The following PCLO variants were observed in gnomAD, a reference collection of about 807,000 sequenced individuals.
PCLO encodes protein piccolo.
PCLO carries 82 observed loss-of-function variants against 427.5 expected under a neutral mutation model. The ratio of observed to expected loss-of-function variants is 0.19; its 90% CI spans 0.16 to 0.23. The LOEUF (loss-of-function observed/expected upper bound fraction) is 0.23. PCLO is among the 10% of genes least tolerant of loss of function. The probability of loss-of-function intolerance (pLI) is 1.00; values close to 1 mark genes in which losing one functional copy is unlikely to be tolerated. For missense variants in PCLO, 6,239 were observed against 6,115.9 expected, an observed-to-expected ratio of 1.02 and a Z score of -0.67; for synonymous variants, 2,357 against 2,155.4, an observed-to-expected ratio of 1.09 and a Z score of -2.59.
chr7:82,832,406 C>T (rs1792117680), intron 16 of PCLO, among the ~76,000 whole-genome samples: 1 of 151,210 alleles, frequency 6.6e-6, no homozygotes, highest in African/African-American at 2.5e-5. Context: ...CACCCACCAC[C>T]ATGCCCGGCT....
At chr7:82,999,908 CAAAGA>C (rs1366851445) in intron 3 of PCLO, among the ~76,000 whole-genome samples, 6 of 124,804 alleles carry the variant, frequency 4.8e-5, no homozygotes, top group Non-Finnish European at 9.9e-5. Context: ...AATGGAAATA[CAAAGA>C]AAAGAAGAGA....
intron 3 of PCLO, among the ~76,000 whole-genome samples, chr7:82,973,197 T>C (rs1240819075): frequency 6.6e-6 from 1 of 152,068 alleles, no homozygotes; most frequent in Non-Finnish European, 1.5e-5. Flanking sequence ...TGCATAATGA[T>C]GAATTTGAGA....
At chr7:82,913,507 C>T (rs79631110) in intron 7 of PCLO, among the ~76,000 whole-genome samples, 1,533 of 151,788 alleles carry the variant, frequency 0.01, 27 homozygotes, top group African/African-American at 0.036. Context: ...TATTTTATTT[C>T]CAGAACTCCA....
At chr7:82,872,874 A>G (rs1450733560) in intron 10 of PCLO, among the ~76,000 whole-genome samples, 1 of 152,184 alleles carries the variant, frequency 6.6e-6, no homozygotes, top group Non-Finnish European at 1.5e-5. Flanking sequence ...TAAAAGTGGC[A>G]CAAAGACATG....
intron 22 of PCLO, among the ~76,000 whole-genome samples, chr7:82,762,546 C>T (rs534505110): frequency 2.0e-5 from 3 of 151,742 alleles, no homozygotes; most frequent in African/African-American, 7.3e-5. Flanking sequence ...CTTCAAAGAA[C>T]CTTTGTTTAT....
At chr7:83,024,258 C>T (rs762778500) in intron 3 of PCLO, among the ~76,000 whole-genome samples, 1 of 152,128 alleles carries the variant, frequency 6.6e-6, no homozygotes, top group Non-Finnish European at 1.5e-5. Context: ...GCACCATGCG[C>T]GAGCCGAAGC....
intron 3 of PCLO, among the ~76,000 whole-genome samples, chr7:83,088,662 G>A (rs1050538059): frequency 2.6e-5 from 4 of 152,068 alleles, no homozygotes; most frequent in African/African-American, 9.7e-5. Flanking sequence ...ACCTCCTTGT[G>A]GTTCCTCCCT....
chr7:82,968,565 G>C (rs1333621675), intron 3 of PCLO, among the ~76,000 whole-genome samples: 1 of 142,286 alleles, frequency 7.0e-6, no homozygotes, highest in African/African-American at 2.7e-5. Flanking sequence ...TTGTCACCAG[G>C]CTGGAGTGCA....
intron 3 of PCLO, among the ~76,000 whole-genome samples, chr7:83,038,227 A>G (rs1005106091): frequency 1.3e-5 from 2 of 148,674 alleles, no homozygotes; most frequent in Admixed American, 1.4e-4. Flanking sequence ...ATATACACAC[A>G]TACCATAAAT....
chr7:82,950,440 T>C lies in PCLO; in HGVS notation c.10148A>G (p.Gln3383Arg). The change falls in exon 6 of 25, where the codon CAG (glutamine) becomes CGG (arginine). Residue 3383 changes from glutamine (Q) to arginine (R), a missense_variant. Gln to Arg is a conservative substitution (Grantham distance 43). This residue lies in a region of PCLO where 4,677 missense variants were observed against 4,468.4 expected (regional missense o/e 1.05). Transcript: ENST00000333891. Reference sequence around the variant, plus strand: ...CAGGATACCAGGTGGGGCAATGTACTGAGTAACACCATCAGACTGAACGGT... The same window carrying C: ...CAGGATACCAGGTGGGGCAATGTACCGAGTAACACCATCAGACTGAACGGT... Reference protein sequence around the residue: ...WYTVQSDGVTQYIAPPGILST... With the variant: ...WYTVQSDGVTRYIAPPGILST... 8.1e-6 allele frequency: 13 copies of C among 1,613,802 alleles called. No homozygotes were observed. Among genetic ancestry groups the C allele is most frequent in the Non-Finnish European group, 1.1e-5 (13 of 1,179,832 alleles).
chr7:83,120,391 ACTCTGCCTC>A (rs1791244808), intron 3 of PCLO, among the ~76,000 whole-genome samples: 2 of 127,874 alleles, frequency 1.6e-5, no homozygotes, highest in African/African-American at 6.6e-5. Context: ...TTGGAGTGAG[ACTCTGCCTC>A]AGAAAAAAAA....
At chr7:83,015,873 A>G (rs1788194553) in intron 3 of PCLO, among the ~76,000 whole-genome samples, 1 of 152,160 alleles carries the variant, frequency 6.6e-6, no homozygotes, top group Non-Finnish European at 1.5e-5. Context: ...TAAAGAACAT[A>G]TGTTTTTTGC....
intron 3 of PCLO, among the ~76,000 whole-genome samples, chr7:83,048,916 A>G (rs1372868978): frequency 6.6e-6 from 1 of 152,166 alleles, no homozygotes; most frequent in Admixed American, 6.6e-5. Flanking sequence ...TATTTGTATG[A>G]TCATGTATTT....
rs1795620847 is a variant in PCLO, at chr7:82,959,979, C to T, written c.4018-3044G>A. Among the ~76,000 whole-genome samples, 6 of 152,164 alleles carry T rather than the reference C, an allele frequency of 3.9e-5. No homozygotes were observed. In the South Asian group the frequency reaches 1.2e-3, roughly 32 times the overall value. Reference sequence around the variant, plus strand: ...CTTCCCATGGTGGTGTATCTTGAGGCCTTCACTAGTAGTGGAGAATGTGCC... The same window carrying T: ...CTTCCCATGGTGGTGTATCTTGAGGTCTTCACTAGTAGTGGAGAATGTGCC... On this transcript the variant is annotated intron_variant, in intron 4 of 24. Transcript: ENST00000333891.
In PCLO at chr7:83,126,487, A is replaced by G. The variant is rs545011472; in HGVS notation, c.3300+7763T>C. Among the ~76,000 whole-genome samples the G allele has an allele frequency of 2.4e-4, 37 of 152,242 alleles. No homozygotes were observed. In the South Asian group the frequency reaches 6.8e-3, roughly 28 times the overall value. ...ATGCCTATATCAAAATATCACATGT[A>G]CCCCATAAATATATACACGTACTAT... On this transcript the variant is annotated intron_variant, in intron 3 of 24. Transcript: ENST00000333891.
chr7:83,026,720 G>A lies in PCLO; in HGVS notation c.3301-60233C>T, dbSNP rs1788508729. ...ATACTTGGAAGTAAAGCTCTCCTCAGCAAATGTAAAAGAACACAAATTATA... is the reference window on the plus strand; with the variant it reads ...ATACTTGGAAGTAAAGCTCTCCTCAACAAATGTAAAAGAACACAAATTATA... On this transcript the variant is annotated intron_variant, in intron 3 of 24. Transcript: ENST00000333891. Among the ~76,000 whole-genome samples the A allele has an allele frequency of 2.6e-5, 4 of 151,928 alleles. No individual in the cohort carries two copies. In the South Asian group the frequency reaches 6.2e-4, roughly 24 times the overall value.
Position 82,954,276 on chromosome 7 carries a change from A to T in PCLO, c.6677T>A (p.Ile2226Asn). 1 of 1,613,656 alleles carries T rather than the reference A, an allele frequency of 6.2e-7. No homozygotes were observed. The highest frequency in any genetic ancestry group is 8.5e-7 in the Non-Finnish European group (1 of 1,179,690). The change falls in exon 5 of 25, where the codon ATT (isoleucine) becomes AAT (asparagine). Residue 2226 changes from isoleucine to asparagine, a missense_variant. By Grantham distance (149) the Ile-to-Asn change is moderately radical (BLOSUM62 -3). Coordinates refer to ENST00000333891, the MANE Select transcript of PCLO (RefSeq NM_033026.6). ...MITKFEDSEE[I>N]SSSTYFPGSI... is the part of the protein sequence containing the mutation. ...GCCTGGAAAATAAGTTGATGAAGAA[A>T]TTTCCTCAGAATCTTCAAATTTAGT...
In PCLO at chr7:83,162,658, G is replaced by A. The variant is rs1792478088; in HGVS notation, c.-66C>T. On this transcript the variant is annotated 5_prime_UTR_variant, in exon 1 of 25. Transcript: ENST00000333891. ...CCGCGTCCCAGTCGAGAAGCCCGCG[G>A]CCAGGGGAGCAGTCAGAGCCGGGGT... 2.0e-6 allele frequency: 3 copies of A among 1,470,556 alleles called. No homozygotes were observed. Among genetic ancestry groups the A allele is most frequent in the Non-Finnish European group, 2.7e-6 (3 of 1,115,862 alleles). 91.1% of individuals were successfully genotyped at this position (1,470,556 alleles called of 1,614,324 possible). A position where few individuals can be genotyped will look rare whatever the true frequency, so the allele number is the denominator to read the frequency against.
chr7:82,972,187 C>T (rs1479793746), intron 3 of PCLO, among the ~76,000 whole-genome samples: 2 of 151,884 alleles, frequency 1.3e-5, no homozygotes, highest in Non-Finnish European at 2.9e-5. Flanking sequence ...TAATAAAACA[C>T]ATTTATTTTA....
Sources: gnomAD v4.1 joint callset for allele counts (sites outside exome capture counted in the v4.1 genomes callset) on GRCh38, gnomAD v4.1.1 for gene constraint, gnomAD v4.1.1 regional missense constraint, MANE v1.5 for transcripts, NCBI Gene and HGNC (gene_info 2026-07-23, HGNC 2026-07-21) for gene names.